TG: variants seen among roughly 807,000 people sequenced by gnomAD.
TG encodes the protein thyroid hormones.
Under a neutral mutation model 324.7 loss-of-function variants are expected in TG, and 270 were observed. The ratio of observed to expected loss-of-function variants is 0.83; its 90% CI spans 0.75 to 0.92. The LOEUF (loss-of-function observed/expected upper bound fraction) is 0.92, where lower values mean the gene tolerates loss of function less well. Among genes scored for constraint, TG ranks in the 40% least tolerant of loss-of-function variants. The pLI, the probability that TG is intolerant of heterozygous loss-of-function variation, is 0.00. For synonymous variants in TG, 1,401 were observed against 1,327.0 expected (o/e 1.06, Z -1.21); for missense variants, 3,591 against 3,456.4 (o/e 1.04, Z -0.98).
At position 132,926,468 on chromosome 8, in the gene TG, T is replaced by A. The variant is rs530522692; in HGVS notation, c.4700-2608T>A. ...GTATCCCAGCCTCCCCTCTGGGCTC[T>A]AACCTCATTAGACCATATGTTCCTT... is the stretch of plus-strand genomic sequence containing the variant. On this transcript the variant is annotated intron_variant, in intron 22 of 47. Transcript: ENST00000220616. Among the ~76,000 whole-genome samples the A allele has an allele frequency of 5.9e-5, 9 of 152,380 alleles. No individual in the cohort carries two copies. The South Asian group carries it at 1.9e-3, about 32-fold the overall frequency.
At chr8:133,109,337 T>C (rs1326149499) in intron 43 of TG, among the ~76,000 whole-genome samples, 6 of 152,190 alleles carry the variant, frequency 3.9e-5, no homozygotes, top group Admixed American at 3.9e-4. Context: ...ACTTTAACGC[T>C]TATTGGATTA....
At chr8:132,960,337 C>T (rs569383154) in intron 27 of TG, among the ~76,000 whole-genome samples, 5 of 152,290 alleles carry the variant, frequency 3.3e-5, no homozygotes, top group African/African-American at 1.2e-4. Flanking sequence ...TGCCTCCAGA[C>T]TCTGCTATCT....
chr8:133,090,685 G>C (rs1371115299), intron 41 of TG, among the ~76,000 whole-genome samples: 1 of 152,136 alleles, frequency 6.6e-6, no homozygotes, highest in African/African-American at 2.4e-5. Flanking sequence ...TCCCTCCATT[G>C]TCTCCTTTAA....
At chr8:133,053,643 T>G (rs1218929358) in intron 41 of TG, among the ~76,000 whole-genome samples, 2 of 152,100 alleles carry the variant, frequency 1.3e-5, no homozygotes, top group Non-Finnish European at 2.9e-5. Context: ...AGGTTTGATA[T>G]CAAATTCAAG....
rs781663710 is a variant in TG at position 132,913,133 on chromosome 8, A to G, written c.4246A>G (p.Thr1416Ala). 2 of 1,614,018 alleles carry G rather than the reference A, an allele frequency of 1.2e-6. No homozygotes were observed. The highest frequency in any genetic ancestry group is 1.7e-6 in the Non-Finnish European group (2 of 1,180,024). The change falls in exon 20 of 48, where the codon ACG (threonine) becomes GCG (alanine). Residue 1416 changes from threonine to alanine, a missense_variant. By Grantham distance (58) the Thr-to-Ala change is moderately conservative (BLOSUM62 0). Coordinates refer to ENST00000220616, the MANE Select transcript of TG (RefSeq NM_003235.5). ...ATTCCAGCTTCATCTGGACTCCAAG[A>G]CGTTCCCAGCGGAAACCATCCGCTT... ...GSFQLHLDSKTFPAETIRFLQ... is the reference protein window; with the variant it reads ...GSFQLHLDSKAFPAETIRFLQ...
chr8:132,923,637 G>T (rs192329743), intron 22 of TG, 129 bp downstream of exon 22: 12 of 1,161,540 alleles, frequency 1.0e-5, no homozygotes, highest in Non-Finnish European at 1.4e-5. Flanking sequence ...ATTTTAATCT[G>T]TGTAGAAGTT....
At chr8:133,049,822 T>C (rs1840073791) in intron 41 of TG, 2 of 957,542 alleles carry the variant, frequency 2.1e-6, no homozygotes, top group Admixed American at 1.7e-5. Flanking sequence ...CCACTATGAA[T>C]GCTGGAATCT....
intron 35 of TG, chr8:133,002,747 AT>A: frequency 2.0e-5 from 5 of 249,520 alleles, no homozygotes; most frequent in South Asian, 1.1e-4. Context: ...TTTTCTGATC[AT>A]TTTCCTTCAC....
chr8:132,873,897 G>T (rs747133091), intron 5 of TG, among the ~76,000 whole-genome samples: 1 of 152,192 alleles, frequency 6.6e-6, no homozygotes, highest in East Asian at 1.9e-4. Flanking sequence ...AAGGCCGGGC[G>T]CAGTGGCTCA....
chr8:132,947,915 C>T (rs1282802489), intron 26 of TG, among the ~76,000 whole-genome samples: 6 of 152,178 alleles, frequency 3.9e-5, no homozygotes, highest in Non-Finnish European at 7.4e-5. Context: ...CTATCAAATT[C>T]GATTACCTTG....
chr8:133,122,710 C>G (rs1439060274), intron 45 of TG, among the ~76,000 whole-genome samples: 1 of 152,116 alleles, frequency 6.6e-6, no homozygotes, highest in Non-Finnish European at 1.5e-5. Context: ...TCAGAGCCGG[C>G]ATCTGGGTTG....
intron 43 of TG, among the ~76,000 whole-genome samples, chr8:133,112,125 TGGC>T (rs1850300820): frequency 7.0e-4 from 2 of 2,842 alleles, no homozygotes; most frequent in South Asian, 0.016. Flanking sequence ...CACCCAGGAG[TGGC>T]TGTGCCCACC....
At chr8:133,101,214 C>T (rs562753078) in intron 43 of TG, among the ~76,000 whole-genome samples, 366 of 152,274 alleles carry the variant, frequency 2.4e-3, no homozygotes, top group Non-Finnish European at 4.2e-3. Context: ...GATTCTACCC[C>T]ACACAGAACT....
chr8:133,134,269 G>A (rs898570225), intron 47 of TG, among the ~76,000 whole-genome samples: 9 of 152,142 alleles, frequency 5.9e-5, no homozygotes, highest in African/African-American at 1.9e-4. Flanking sequence ...CCCAGAGGAA[G>A]GAGGACTCAC....
chr8:132,883,539 A>T (rs1358240499), intron 8 of TG, among the ~76,000 whole-genome samples: 3 of 152,142 alleles, frequency 2.0e-5, no homozygotes, highest in African/African-American at 7.2e-5. Context: ...TAGAGAAAAA[A>T]TTGCTGGAGT....
At chr8:132,951,337 C>T (rs186087048) in intron 27 of TG, among the ~76,000 whole-genome samples, 4 of 152,186 alleles carry the variant, frequency 2.6e-5, no homozygotes, top group Admixed American at 2.0e-4. Context: ...TTCCATGAAG[C>T]ACAAATAGTT....
intron 35 of TG, among the ~76,000 whole-genome samples, chr8:132,990,934 T>A (rs896418757): frequency 2.1e-4 from 30 of 145,228 alleles, no homozygotes; most frequent in Non-Finnish European, 4.0e-4. Context: ...TTTTTTTTTT[T>A]AGCAAAAAGT....
At chr8:133,122,671 TG>T (rs1463257760) in intron 45 of TG, among the ~76,000 whole-genome samples, 1 of 152,100 alleles carries the variant, frequency 6.6e-6, no homozygotes, top group Non-Finnish European at 1.5e-5. Flanking sequence ...TGGGAGGGTT[TG>T]GGGGACACTG....
At position 133,029,946 on chromosome 8, in the gene TG, G is replaced by T. The variant is rs777005576; in HGVS notation, c.7162G>T (p.Gly2388Trp). 3.7e-5 allele frequency: 60 copies of T among 1,614,236 alleles called. No homozygotes were observed. Among genetic ancestry groups the T allele is most frequent in the Non-Finnish European group, 5.0e-5 (59 of 1,180,044 alleles). The change falls in exon 41 of 48, where the codon GGG (glycine) becomes TGG (tryptophan). Residue 2388 changes from glycine (G) to tryptophan (W), a missense_variant. By Grantham distance (184) the Gly-to-Trp change is radical (BLOSUM62 -2). Coordinates refer to ENST00000220616, the MANE Select transcript of TG (RefSeq NM_003235.5). ...CGTGTCCCTGGCAGCAGACCGTGGC[G>T]GGGCTGATGTGGCCAGCATCCACCT... is the stretch of plus-strand genomic sequence containing the variant. ...RRVSLAADRG[G>W]ADVASIHLLT...
Sources: gnomAD v4.1 joint callset for allele counts (sites outside exome capture counted in the v4.1 genomes callset) on GRCh38, gnomAD v4.1.1 for gene constraint, MANE v1.5 for transcripts, NCBI Gene and HGNC (gene_info 2026-07-23, HGNC 2026-07-21) for gene names.